Variants in ADGRL2 observed in about 807,000 individuals in gnomAD.
ADGRL2 encodes calcium-independent alpha-latrotoxin receptor 2.
Under a neutral mutation model 157.4 loss-of-function variants are expected in ADGRL2, and 44 were observed. The observed-to-expected ratio is 0.28, with a 90% CI of 0.22 to 0.36. The LOEUF is 0.36. ADGRL2 is among the 10% of genes least tolerant of loss of function. ADGRL2 has a pLI of 1.00. For synonymous variants in ADGRL2, 585 were observed against 624.7 expected, an observed-to-expected ratio of 0.94 and a Z score of 0.95; for missense variants, 1,510 against 1,768.9, an observed-to-expected ratio of 0.85 and a Z score of 2.63.
At chr1:81,462,329 G>A (rs183530613) in intron 2 of ADGRL2, among the ~76,000 whole-genome samples, 146 of 152,294 alleles carry the variant, frequency 9.6e-4, no homozygotes, top group African/African-American at 3.1e-3. Flanking sequence ...GTTGTGGAAG[G>A]TTAGTTCTTT....
intron 2 of ADGRL2, among the ~76,000 whole-genome samples, chr1:81,520,545 G>A (rs549213434): frequency 6.6e-6 from 1 of 152,238 alleles, no homozygotes; most frequent in South Asian, 2.1e-4. Flanking sequence ...CATGGGGGTG[G>A]TTTCTCCCAT....
intron 1 of ADGRL2, among the ~76,000 whole-genome samples, chr1:81,382,678 C>G (rs754919915): frequency 3.3e-5 from 5 of 152,000 alleles, no homozygotes; most frequent in African/African-American, 7.3e-5. Flanking sequence ...CTGGTTCCAC[C>G]GCCTGAGCTG....
intron 1 of ADGRL2, among the ~76,000 whole-genome samples, chr1:81,708,193 G>T (rs1024281817): frequency 6.6e-6 from 1 of 152,090 alleles, no homozygotes; most frequent in African/African-American, 2.4e-5. Flanking sequence ...AACTTGCCTT[G>T]CACGGTTGTT....
At chr1:81,404,976 T>C (rs1002500519) in intron 1 of ADGRL2, among the ~76,000 whole-genome samples, 1 of 152,238 alleles carries the variant, frequency 6.6e-6, no homozygotes, top group South Asian at 2.1e-4. Context: ...AAAAGCTATG[T>C]TGACATTCTA....
chr1:81,712,856 G>A (rs1157703777), intron 1 of ADGRL2, among the ~76,000 whole-genome samples: 3 of 144,954 alleles, frequency 2.1e-5, no homozygotes, highest in African/African-American at 7.8e-5. Context: ...TCCACCTCCC[G>A]GGTTCAAGTG....
At position 81,792,467 on chromosome 1, in the gene ADGRL2, CAT is replaced by C. The variant is rs576216072; in HGVS notation, c.-101+30624_-101+30625del. 6.5e-3 allele frequency among the ~76,000 whole-genome samples: 985 copies of C among 151,992 alleles called. 6 individuals are homozygous for C. Among genetic ancestry groups the C allele is most frequent in the African/African-American group, 0.022 (929 of 41,452 alleles). On this transcript the variant is annotated intron_variant, in intron 2 of 20. Coordinates refer to the ADGRL2 transcript ENST00000359929. ...ATGCAGACATATACATATACATGTG[CAT>C]ATATATATTTTTTACAGAATTTAAA...
At chr1:81,596,045 A>G (rs141119036) in intron 3 of ADGRL2, 5,116 of 325,028 alleles carry the variant, frequency 0.016, 73 homozygotes, top group Middle Eastern at 0.034. Context: ...TACCCTCATG[A>G]CCTAGTCACC....
intron 1 of ADGRL2, among the ~76,000 whole-genome samples, chr1:81,439,288 G>A (rs1431861908): frequency 6.6e-6 from 1 of 152,158 alleles, no homozygotes; most frequent in African/African-American, 2.4e-5. Context: ...CTACCCAAGA[G>A]GTATTACAGC....
intron 3 of ADGRL2, among the ~76,000 whole-genome samples, chr1:81,645,701 T>C (rs552609373): frequency 1.4e-4 from 21 of 152,284 alleles, no homozygotes; most frequent in African/African-American, 5.1e-4. Flanking sequence ...TTCTCTACAA[T>C]TGCTACCTAG....
chr1:81,680,194 T>A (rs2083081175), intron 3 of ADGRL2, among the ~76,000 whole-genome samples: 1 of 152,164 alleles, frequency 6.6e-6, no homozygotes, highest in African/African-American at 2.4e-5. Flanking sequence ...CGGCAGCCCT[T>A]TGTTACAATG....
chr1:81,706,916 A>G (rs1452757104), intron 1 of ADGRL2, among the ~76,000 whole-genome samples: 1 of 152,174 alleles, frequency 6.6e-6, no homozygotes, highest in Non-Finnish European at 1.5e-5. Flanking sequence ...AAGCTGGGTG[A>G]TAAGGACTTA....
chr1:81,340,905 T>C (rs1662023644), intron 1 of ADGRL2, among the ~76,000 whole-genome samples: 1 of 151,954 alleles, frequency 6.6e-6, no homozygotes, highest in Non-Finnish European at 1.5e-5. Flanking sequence ...TTTTTTTTTT[T>C]TTAAATGGAA....
chr1:81,725,961 C>T (rs1053294359), intron 1 of ADGRL2, among the ~76,000 whole-genome samples: 3 of 151,950 alleles, frequency 2.0e-5, no homozygotes, highest in Non-Finnish European at 4.4e-5. Context: ...CCAGCCTGGG[C>T]GACAGAGCCA....
At chr1:81,696,990 TTA>T (rs2083459714), upstream of ADGRL2, among the ~76,000 whole-genome samples, 2 of 152,114 alleles carry the variant, frequency 1.3e-5, no homozygotes, top group African/African-American at 4.8e-5. Context: ...GCAAACTAAT[TTA>T]TGTTTTCTCT....
At chr1:81,454,313 T>C (rs1401898412) in intron 2 of ADGRL2, among the ~76,000 whole-genome samples, 12 of 152,222 alleles carry the variant, frequency 7.9e-5, no homozygotes, top group Admixed American at 7.2e-4. Flanking sequence ...TTAAATTCTA[T>C]TGGCATGAAA....
intron 1 of ADGRL2, among the ~76,000 whole-genome samples, chr1:81,310,262 G>A (rs1157671709): frequency 6.6e-6 from 1 of 152,178 alleles, no homozygotes; most frequent in Non-Finnish European, 1.5e-5. Flanking sequence ...ATACAGGGCA[G>A]CATTTGTGGC....
At chr1:81,424,568 A>T in intron 1 of ADGRL2, among the ~76,000 whole-genome samples, 1 of 152,234 alleles carries the variant, frequency 6.6e-6, no homozygotes. Context: ...AACTGCCTCT[A>T]TCATTGTGGG....
intron 1 of ADGRL2, among the ~76,000 whole-genome samples, chr1:81,416,690 T>A (rs1010432850): frequency 2.6e-5 from 4 of 152,200 alleles, no homozygotes; most frequent in Admixed American, 1.3e-4. Context: ...TAAGATAACC[T>A]ACTAAATGTA....
chr1:81,921,473 A>G (rs540480174), intron 3 of ADGRL2, among the ~76,000 whole-genome samples: 1 of 152,296 alleles, frequency 6.6e-6, no homozygotes, highest in Non-Finnish European at 1.5e-5. Context: ...CTAGTCATTC[A>G]TTATTTAATG....
Sources: gnomAD v4.1 joint callset for allele counts (sites outside exome capture counted in the v4.1 genomes callset) on GRCh38, gnomAD v4.1.1 for gene constraint, MANE v1.5 for transcripts, NCBI Gene and HGNC (gene_info 2026-07-23, HGNC 2026-07-21) for gene names.